Variants in ACOX2 observed in about 807,000 individuals in gnomAD.
ACOX2 encodes peroxisomal acyl-coenzyme A oxidase 2.
In ACOX2, 59 loss-of-function variants were observed where a neutral mutation model predicts 77.5. That is an observed-to-expected ratio of 0.76 (90% CI 0.62 to 0.95). The LOEUF is 0.95. Among genes scored for constraint, ACOX2 ranks in the 40% least tolerant of loss-of-function variants. The probability of loss-of-function intolerance (pLI) is 0.00; values close to 1 mark genes in which losing one functional copy is unlikely to be tolerated. For synonymous variants in ACOX2, 317 were observed against 340.1 expected (o/e 0.93, Z 0.75); for missense variants, 837 against 880.4 (o/e 0.95, Z 0.62).
In ACOX2 at chr3:58,519,946, T is replaced by C. The variant is rs2107997200; in HGVS notation, c.1633-2523A>G. 1.3e-5 allele frequency among the ~76,000 whole-genome samples: 2 copies of C among 152,170 alleles called. No individual in the cohort carries two copies. Among genetic ancestry groups the C allele is most frequent in the South Asian group, 4.2e-4 (2 of 4,814 alleles). ...ATCCTCAAATGCTCAAGGCTCTGAGTTGAGGAGTGGAGTGATGGAGAGCTG... is the reference window on the plus strand; with the variant it reads ...ATCCTCAAATGCTCAAGGCTCTGAGCTGAGGAGTGGAGTGATGGAGAGCTG... On this transcript the variant is annotated intron_variant, in intron 12 of 14. Transcript: ENST00000302819. The surrounding 1 kb of genome is among the most constrained non-coding windows in gnomAD (Gnocchi z 5.0).
chr3:58,507,206 T>C (rs2063240939), intron 14 of ACOX2, among the ~76,000 whole-genome samples: 1 of 152,224 alleles, frequency 6.6e-6, no homozygotes, highest in South Asian at 2.1e-4. Context: ...ACTATGCAGG[T>C]TGTAAAACCA....
rs777822771 is a variant in ACOX2 at position 58,514,424 on chromosome 3, C to A, written c.1850+2782G>T. ...AGCTGAGGTTTTATGACCGCTTAAA[C>A]AACTAAAAACTGTTTGGGTCAGTTA... On this transcript the variant is annotated intron_variant, in intron 13 of 14. Coordinates refer to ENST00000302819, the MANE Select transcript of ACOX2 (RefSeq NM_003500.4). This position sits in a 1 kb window ranked among gnomAD's most constrained non-coding sequence, Gnocchi z 4.3. 1.1e-4 allele frequency among the ~76,000 whole-genome samples: 16 copies of A among 152,142 alleles called. No homozygotes were observed. Among genetic ancestry groups the A allele is most frequent in the Non-Finnish European group, 2.1e-4 (14 of 68,006 alleles).
chr3:58,517,207 G>T lies in ACOX2; in HGVS notation c.1849C>A (p.Arg617=). The change falls in exon 13 of 15, where the codon CGG becomes AGG. Residue 617 remains arginine, a splice_region_variant and synonymous_variant. Transcript: ENST00000302819. ...TAYLDLLRLI[R]KDAILLTDAF... ...TGGTTTGAAGTCTCTGCCACTCACC[G>T]GATCAGGCGGAGCAGGTCCAGGTAG... 1 of 1,613,676 alleles carries T rather than the reference G, an allele frequency of 6.2e-7. No individual in the cohort carries two copies. Among genetic ancestry groups the T allele is most frequent in the South Asian group, 1.1e-5 (1 of 91,016 alleles).
intron 5 of ACOX2, among the ~76,000 whole-genome samples, chr3:58,532,028 C>A (rs1235842518): frequency 6.6e-6 from 1 of 151,710 alleles, no homozygotes; most frequent in Admixed American, 6.6e-5. Flanking sequence ...TTTTGCCCCC[C>A]CCAACTATTA....
rs2063297333 is a variant in ACOX2, at chr3:58,512,758, C to T, written c.1851-3733G>A. Among the ~76,000 whole-genome samples, 1 of 152,136 alleles carries T rather than the reference C, an allele frequency of 6.6e-6. No individual in the cohort carries two copies. Among genetic ancestry groups the T allele is most frequent in the South Asian group, 2.1e-4 (1 of 4,832 alleles). ...GATGGACCATGTATATGATGGCGGT[C>T]CCATGACATTATGATAGAGCTGAAA... is the stretch of plus-strand genomic sequence containing the variant. On this transcript the variant is annotated intron_variant, in intron 13 of 14. Transcript: ENST00000302819. This position sits in a 1 kb window ranked among gnomAD's most constrained non-coding sequence, Gnocchi z 4.8.
Position 58,521,730 on chromosome 3 carries a change from G to A in ACOX2, c.1632+766C>T, listed in dbSNP as rs1311084879. On this transcript the variant is annotated intron_variant, in intron 12 of 14. Coordinates refer to ENST00000302819, the MANE Select transcript of ACOX2 (RefSeq NM_003500.4). This position sits in a 1 kb window ranked among gnomAD's most constrained non-coding sequence, Gnocchi z 4.8. The stretch of plus-strand genomic sequence containing the variant: ...CTTTTCACAGTGGTGCAAAAGGTCA[G>A]AGGCCTTGCCTGTCTCTCCTTCTCC... Among the ~76,000 whole-genome samples, 1 of 152,210 alleles carries A rather than the reference G, an allele frequency of 6.6e-6. No homozygotes were observed. The highest frequency in any genetic ancestry group is 1.5e-5 in the Non-Finnish European group (1 of 68,044).
At position 58,533,172 on chromosome 3, in the gene ACOX2, GTGAGGCCTTGTCTCTCA is replaced by G. The variant is rs2063453749; in HGVS notation, c.583+256_583+272del. On this transcript the variant is annotated intron_variant, in intron 5 of 14. Coordinates refer to ENST00000302819, the MANE Select transcript of ACOX2 (RefSeq NM_003500.4). The surrounding 1 kb of genome is among the most constrained non-coding windows in gnomAD (Gnocchi z 5.6). Reference sequence around the variant, plus strand: ...TGTGTGTTTGTGCGTGTGTGTGTGAGTGAGGCCTTGTCTCTCATGGATCGATTGTCTCCTCTACTTCA... The same window carrying G: ...TGTGTGTTTGTGCGTGTGTGTGTGAGTGGATCGATTGTCTCCTCTACTTCA... 6.6e-6 allele frequency among the ~76,000 whole-genome samples: 1 copy of G among 152,176 alleles called. No individual in the cohort carries two copies. Among genetic ancestry groups the G allele is most frequent in the African/African-American group, 2.4e-5 (1 of 41,434 alleles).
rs2063463106 is a variant in ACOX2, at chr3:58,534,291, G to A, written c.323+69C>T. On this transcript the variant is annotated intron_variant, in intron 3 of 14. Coordinates refer to ENST00000302819, the MANE Select transcript of ACOX2 (RefSeq NM_003500.4). The surrounding 1 kb of genome is among the most constrained non-coding windows in gnomAD (Gnocchi z 4.8). ...CCCTTTGTTGGGGGAAATGGCTCATGGGGCTAGGGGGTTTCCAGGTGATCC... is the reference window on the plus strand; with the variant it reads ...CCCTTTGTTGGGGGAAATGGCTCATAGGGCTAGGGGGTTTCCAGGTGATCC... 1 of 1,587,338 alleles carries A rather than the reference G, an allele frequency of 6.3e-7. No homozygotes were observed. Among genetic ancestry groups the A allele is most frequent in the South Asian group, 1.1e-5 (1 of 87,028 alleles).
At chr3:58,527,286 C>T (rs2063402450) in intron 9 of ACOX2, among the ~76,000 whole-genome samples, 1 of 151,906 alleles carries the variant, frequency 6.6e-6, no homozygotes, top group African/African-American at 2.4e-5. Context: ...ACCTGCAATC[C>T]CAGCACTTTG....
chr3:58,523,036 C>T lies in ACOX2; in HGVS notation c.1527-435G>A, dbSNP rs562097745. 5.1e-5 allele frequency: 8 copies of T among 157,626 alleles called. No individual in the cohort carries two copies. Among genetic ancestry groups the T allele is most frequent in the East Asian group, 1.8e-4 (1 of 5,566 alleles). The allele number at this position is 157,626 out of a possible 1,614,324, so 9.8% of individuals were successfully genotyped here. ...TTTTTCTGTAAAGGCTAGAGAGGCC[C>T]GTCGGTCACCTAGCCTGCTGCAGGT... is the stretch of plus-strand genomic sequence containing the variant. On this transcript the variant is annotated intron_variant, in intron 11 of 14. Coordinates refer to ENST00000302819, the MANE Select transcript of ACOX2 (RefSeq NM_003500.4). The surrounding 1 kb of genome is among the most constrained non-coding windows in gnomAD (Gnocchi z 5.3).
rs182381178 is a variant in ACOX2 at position 58,536,506 on chromosome 3, C to T, written c.-92+613G>A. 1.2e-3 allele frequency among the ~76,000 whole-genome samples: 184 copies of T among 152,310 alleles called. 1 individual carries two copies. Among genetic ancestry groups the T allele is most frequent in the African/African-American group, 3.8e-3 (159 of 41,560 alleles). On this transcript the variant is annotated intron_variant, in intron 1 of 14. Coordinates refer to ENST00000302819, the MANE Select transcript of ACOX2 (RefSeq NM_003500.4). ...CATATGAGGCTTTCAAACCAATACC[C>T]CCAGCAGGGCTGTGGGGGTGCTGGC...
At position 58,508,876 on chromosome 3, in the gene ACOX2, G is replaced by C. The variant is rs1200898143; in HGVS notation, c.1983+17C>G. 1.9e-6 allele frequency: 3 copies of C among 1,613,244 alleles called. No individual in the cohort carries two copies. In the Admixed American group the frequency reaches 5.0e-5, roughly 27 times the overall value. On this transcript the variant is annotated intron_variant, in intron 14 of 14. Coordinates refer to ENST00000302819, the MANE Select transcript of ACOX2 (RefSeq NM_003500.4). Reference sequence around the variant, plus strand: ...TCTGCTTTCTTACATAATTTATAATGTGTTCCACTCAACTACCTGAGTATT... The same window carrying C: ...TCTGCTTTCTTACATAATTTATAATCTGTTCCACTCAACTACCTGAGTATT...
rs1040947253 is a variant in ACOX2, at chr3:58,528,199, G to C, written c.1155+595C>G. On this transcript the variant is annotated intron_variant, in intron 9 of 14. Coordinates refer to ENST00000302819, the MANE Select transcript of ACOX2 (RefSeq NM_003500.4). The surrounding 1 kb of genome is among the most constrained non-coding windows in gnomAD (Gnocchi z 5.6). ...TCTGTGCCTCATTGCAGTTGGAAGG[G>C]TTAATGAGCAGTGCTTATAAAGCAT... 6.6e-6 allele frequency among the ~76,000 whole-genome samples: 1 copy of C among 152,172 alleles called. No individual in the cohort carries two copies. Among genetic ancestry groups the C allele is most frequent in the Non-Finnish European group, 1.5e-5 (1 of 68,038 alleles).
intron 13 of ACOX2, chr3:58,511,469 G>T: frequency 4.5e-6 from 1 of 222,834 alleles, no homozygotes; most frequent in Non-Finnish European, 9.2e-6. Flanking sequence ...CTCACAAAGT[G>T]ACAGCTGCCA....
rs1018906980 is a variant in ACOX2, at chr3:58,524,802, A to T, written c.1347-197T>A. Among the ~76,000 whole-genome samples the T allele has an allele frequency of 6.6e-6, 1 of 152,180 alleles. No homozygotes were observed. The stretch of plus-strand genomic sequence containing the variant: ...CCTGCCTCGAGGCCCTCAGTCAGGC[A>T]TATCCCAGGACCTGTGGAGCTGGGC... On this transcript the variant is annotated intron_variant, in intron 10 of 14. Transcript: ENST00000302819. The surrounding 1 kb of genome is among the most constrained non-coding windows in gnomAD (Gnocchi z 5.5).
Position 58,523,624 on chromosome 3 carries a change from T to C in ACOX2, c.1526+802A>G, listed in dbSNP as rs767522396. 1.3e-5 allele frequency among the ~76,000 whole-genome samples: 2 copies of C among 152,130 alleles called. No homozygotes were observed. The highest frequency in any genetic ancestry group is 2.9e-5 in the Non-Finnish European group (2 of 68,032). The stretch of plus-strand genomic sequence containing the variant: ...TATTTTTTTATTAAAATTTTTTGTA[T>C]TTTTGGTAGAGGTGGGGTTTCACCA... On this transcript the variant is annotated intron_variant, in intron 11 of 14. Coordinates refer to ENST00000302819, the MANE Select transcript of ACOX2 (RefSeq NM_003500.4). The surrounding 1 kb of genome is among the most constrained non-coding windows in gnomAD (Gnocchi z 5.3).
intron 13 of ACOX2, among the ~76,000 whole-genome samples, chr3:58,509,792 G>A (rs1407544249): frequency 1.3e-5 from 2 of 151,756 alleles, no homozygotes; most frequent in Admixed American, 1.3e-4. Flanking sequence ...TTTTAGTAGA[G>A]ATGGGGTTTC....
chr3:58,526,695 G>A lies in ACOX2; in HGVS notation c.1156-39C>T, dbSNP rs1265787778. ...GAGGGGGGTTGGGCGGTGTTAGGGG[G>A]CCTCCACCATAGGGACCAACCCTGT... On this transcript the variant is annotated intron_variant, in intron 9 of 14. Transcript: ENST00000302819. The surrounding 1 kb of genome is among the most constrained non-coding windows in gnomAD (Gnocchi z 4.3). 4.4e-6 allele frequency: 7 copies of A among 1,599,370 alleles called. No individual in the cohort carries two copies. Among genetic ancestry groups the A allele is most frequent in the Admixed American group, 3.4e-5 (2 of 59,408 alleles).
rs1041401808 is a variant in ACOX2 at position 58,528,564 on chromosome 3, G to C, written c.1155+230C>G. Among the ~76,000 whole-genome samples the C allele has an allele frequency of 6.6e-6, 1 of 152,024 alleles. No individual in the cohort carries two copies. Among genetic ancestry groups the C allele is most frequent in the Non-Finnish European group, 1.5e-5 (1 of 68,020 alleles). ...GGGGTTGTGGACCTGTGTTCTCTACGCTAGGTGTGATTGTTTTCTCTTAGT... is the reference window on the plus strand; with the variant it reads ...GGGGTTGTGGACCTGTGTTCTCTACCCTAGGTGTGATTGTTTTCTCTTAGT... On this transcript the variant is annotated intron_variant, in intron 9 of 14. Transcript: ENST00000302819. The surrounding 1 kb of genome is among the most constrained non-coding windows in gnomAD (Gnocchi z 5.6).
Sources: gnomAD v4.1 joint callset for allele counts (sites outside exome capture counted in the v4.1 genomes callset) on GRCh38, gnomAD v4.1.1 for gene constraint, Gnocchi (gnomAD v3.1) non-coding constraint, MANE v1.5 for transcripts, NCBI Gene and HGNC (gene_info 2026-07-23, HGNC 2026-07-21) for gene names.